PARP4: variants seen among roughly 807,000 people sequenced by gnomAD.
PARP4 encodes the protein protein mono-ADP-ribosyltransferase PARP4.
Under a neutral mutation model 187.7 loss-of-function variants are expected in PARP4, and 120 were observed. That is an observed-to-expected ratio of 0.64 (90% CI 0.55 to 0.74). PARP4 has a LOEUF of 0.74. Among genes scored for constraint, PARP4 ranks in the 30% least tolerant of loss-of-function variants. PARP4 has a pLI of 0.00. For synonymous variants in PARP4, 654 were observed against 740.9 expected, an observed-to-expected ratio of 0.88 and a Z score of 1.90; for missense variants, 1,836 against 2,070.5, an observed-to-expected ratio of 0.89 and a Z score of 2.20.
At chr13:24,431,738 G>A (rs957854935) in intron 31 of PARP4, among the ~76,000 whole-genome samples, 3 of 152,152 alleles carry the variant, frequency 2.0e-5, no homozygotes, top group Non-Finnish European at 4.4e-5. Flanking sequence ...ATTTATTTCA[G>A]TTAATTAAGG....
chr13:24,437,069 G>C (rs1053953885), intron 30 of PARP4, among the ~76,000 whole-genome samples: 14 of 152,232 alleles, frequency 9.2e-5, no homozygotes, highest in African/African-American at 3.1e-4. Context: ...CAATGGAACA[G>C]AGTAGGTAAG....
intron 33 of PARP4, among the ~76,000 whole-genome samples, chr13:24,424,686 T>TTTC (rs1256229993): frequency 1.7e-5 from 2 of 120,232 alleles, no homozygotes; most frequent in Non-Finnish European, 3.5e-5. Flanking sequence ...TTTTTTTTTT[T>TTTC]TTTGAGACGG....
At chr13:24,469,501 G>C (rs1481459812) in intron 16 of PARP4, among the ~76,000 whole-genome samples, 1 of 151,534 alleles carries the variant, frequency 6.6e-6, no homozygotes, top group Non-Finnish European at 1.5e-5. Context: ...TTTTTTTTTA[G>C]AAAGTTACAA....
chr13:24,470,610 G>A (rs1354782182), intron 15 of PARP4, among the ~76,000 whole-genome samples: 3 of 152,064 alleles, frequency 2.0e-5, no homozygotes, highest in Non-Finnish European at 4.4e-5. Context: ...GAAAAGGCGG[G>A]AGGCTTTAAA....
At chr13:24,422,488 G>C (rs978768381) in intron 33 of PARP4, among the ~76,000 whole-genome samples, 2 of 152,052 alleles carry the variant, frequency 1.3e-5, no homozygotes, top group African/African-American at 4.8e-5. Flanking sequence ...TTCACATTCC[G>C]CTAGCAAGAA....
At chr13:24,481,946 T>C (rs1411161533) in intron 12 of PARP4, among the ~76,000 whole-genome samples, 2 of 152,264 alleles carry the variant, frequency 1.3e-5, no homozygotes, top group African/African-American at 4.8e-5. Flanking sequence ...CGAAGTAAAT[T>C]GAAAACCTTC....
rs751545681 is a variant in PARP4, at chr13:24,435,526, A to G, written c.3667-52T>C. On this transcript the variant is annotated intron_variant, in intron 30 of 33. Coordinates refer to ENST00000381989, the MANE Select transcript of PARP4 (RefSeq NM_006437.4). Reference sequence around the variant, plus strand: ...TAAGGGGAAAACACAGAATAAAAAGAACAATCAAGCAAACATTCTTCCTAG... The same window carrying G: ...TAAGGGGAAAACACAGAATAAAAAGGACAATCAAGCAAACATTCTTCCTAG... 3 of 1,508,740 alleles carry G rather than the reference A, an allele frequency of 2.0e-6. No homozygotes were observed. In the African/African-American group the frequency reaches 4.2e-5, roughly 21 times the overall value. 93.5% of individuals were successfully genotyped at this position (1,508,740 alleles called of 1,614,324 possible).
intron 33 of PARP4, among the ~76,000 whole-genome samples, chr13:24,421,761 T>G (rs1460692909): frequency 2.0e-5 from 3 of 152,286 alleles, no homozygotes; most frequent in African/African-American, 7.2e-5. Context: ...CCCATGAAAC[T>G]GGCATACATT....
At chr13:24,451,752 G>A (rs1394670557) in intron 24 of PARP4, among the ~76,000 whole-genome samples, 1 of 152,194 alleles carries the variant, frequency 6.6e-6, no homozygotes, top group African/African-American at 2.4e-5. Flanking sequence ...GGCCCCCTCT[G>A]TTCGATGTTT....
At chr13:24,426,999 T>C (rs960858117) in intron 32 of PARP4, among the ~76,000 whole-genome samples, 22 of 144,992 alleles carry the variant, frequency 1.5e-4, no homozygotes, top group Non-Finnish European at 3.1e-4. Flanking sequence ...TGGTTTGCTG[T>C]TTAAATAAAA....
At chr13:24,431,539 G>A (rs1315575639) in intron 31 of PARP4, 63 bp from the exon 32 acceptor site, 13 of 1,044,734 alleles carry the variant, frequency 1.2e-5, no homozygotes, top group South Asian at 1.4e-5. Context: ...AAGAAGTTAC[G>A]TAGTGGGGGA....
At chr13:24,505,213 G>A (rs532295480) in intron 1 of PARP4, among the ~76,000 whole-genome samples, 2 of 152,222 alleles carry the variant, frequency 1.3e-5, no homozygotes, top group South Asian at 4.1e-4. Flanking sequence ...GACAGCAAAT[G>A]CGGCTTTATG....
In PARP4 at chr13:24,460,071, G is replaced by A. The variant is rs2137483541; in HGVS notation, c.2199C>T (p.Tyr733=). Reference sequence around the variant, plus strand: ...TGCCCAGGATGCTGAGTTCTGTGATGTAGGTAATTTTTATAAGAACCTTAG... The same window carrying A: ...TGCCCAGGATGCTGAGTTCTGTGATATAGGTAATTTTTATAAGAACCTTAG... ...PKAKVLIKIT[Y]ITELSILGTV... is the part of the protein sequence containing the mutation. The change falls in exon 18 of 34, where the codon TAC becomes TAT. Residue 733 remains tyrosine, a synonymous_variant. Coordinates refer to ENST00000381989, the MANE Select transcript of PARP4 (RefSeq NM_006437.4). 1.9e-6 allele frequency: 3 copies of A among 1,613,964 alleles called. No homozygotes were observed. The highest frequency in any genetic ancestry group is 1.3e-5 in the African/African-American group (1 of 75,042).
rs182307085 is a variant in PARP4 at position 24,502,605 on chromosome 13, T to C, written c.133-771A>G. On this transcript the variant is annotated intron_variant, in intron 2 of 33. Transcript: ENST00000381989. ...CATTACATATACAGCTGCCTCATTATCTACAGTAGCTGGGATGCACATTTC... is the reference window on the plus strand; with the variant it reads ...CATTACATATACAGCTGCCTCATTACCTACAGTAGCTGGGATGCACATTTC... 1.2e-3 allele frequency among the ~76,000 whole-genome samples: 189 copies of C among 152,368 alleles called. 2 individuals are homozygous for C. Among genetic ancestry groups the C allele is most frequent in the African/African-American group, 4.3e-3 (178 of 41,586 alleles).
At chr13:24,434,326 C>G in intron 31 of PARP4, 69 bp downstream of exon 31, 1 of 1,451,540 alleles carries the variant, frequency 6.9e-7, no homozygotes, top group South Asian at 1.4e-5. Flanking sequence ...TGACCAGCTG[C>G]TTTGAGGAGC....
At chr13:24,488,161 C>G (rs191146378) in intron 10 of PARP4, among the ~76,000 whole-genome samples, 1 of 152,046 alleles carries the variant, frequency 6.6e-6, no homozygotes, top group Non-Finnish European at 1.5e-5. Flanking sequence ...CCCTGGAGGG[C>G]TGAACTGCAG....
intron 10 of PARP4, among the ~76,000 whole-genome samples, chr13:24,488,182 C>A (rs1868426400): frequency 6.6e-6 from 1 of 152,074 alleles, no homozygotes; most frequent in Non-Finnish European, 1.5e-5. Flanking sequence ...CTGCCACTCC[C>A]GGGGCTTGAC....
At chr13:24,472,969 C>T (rs1470928836) in intron 15 of PARP4, among the ~76,000 whole-genome samples, 3 of 144,956 alleles carry the variant, frequency 2.1e-5, no homozygotes, top group African/African-American at 7.7e-5. Context: ...GATCTTGGCT[C>T]ATTGCAACCT....
At chr13:24,476,090 C>CT (rs1003499332) in intron 14 of PARP4, among the ~76,000 whole-genome samples, 21 of 150,418 alleles carry the variant, frequency 1.4e-4, no homozygotes, top group East Asian at 3.9e-4. Context: ...CCTGGCCTGC[C>CT]TTTTTTTTTG....
Sources: gnomAD v4.1 joint callset for allele counts (sites outside exome capture counted in the v4.1 genomes callset) on GRCh38, gnomAD v4.1.1 for gene constraint, MANE v1.5 for transcripts, NCBI Gene and HGNC (gene_info 2026-07-23, HGNC 2026-07-21) for gene names.